The following PAPOLA variants were observed in gnomAD, a reference collection of about 807,000 sequenced individuals.
PAPOLA encodes the protein polynucleotide adenylyltransferase alpha.
PAPOLA carries 15 observed loss-of-function variants against 100.6 expected under a neutral mutation model. That is an observed-to-expected ratio of 0.15 (90% CI 0.10 to 0.23). The LOEUF is 0.23. PAPOLA is among the 10% of genes least tolerant of loss of function. The pLI is 1.00. For synonymous variants in PAPOLA, 293 were observed against 300.0 expected, an observed-to-expected ratio of 0.98 and a Z score of 0.24; for missense variants, 533 against 884.2, an observed-to-expected ratio of 0.60 and a Z score of 5.04.
intron 19 of PAPOLA, among the ~76,000 whole-genome samples, chr14:96,556,785 A>C (rs1485122841): frequency 6.6e-6 from 1 of 152,096 alleles, no homozygotes; most frequent in African/African-American, 2.4e-5. Flanking sequence ...TGCTTCTGTG[A>C]TCCAAAAGGA....
Position 96,566,103 on chromosome 14 carries a change from T to G in PAPOLA, c.*1053T>G, listed in dbSNP as rs1460232097. 5.1e-6 allele frequency: 2 copies of G among 394,088 alleles called. No homozygotes were observed. Among genetic ancestry groups the G allele is most frequent in the African/African-American group, 4.1e-5 (2 of 48,454 alleles). 24.4% of individuals were successfully genotyped at this position (394,088 alleles called of 1,614,324 possible). On this transcript the variant is annotated 3_prime_UTR_variant, in exon 22 of 22. Transcript: ENST00000216277. ...GATCTCTAAAAGGAATTTTGTACAC[T>G]CCACAGAACTCCTATCTATAGTAAA...
intron 9 of PAPOLA, chr14:96,533,451 G>T (rs887746093): frequency 2.0e-6 from 2 of 983,136 alleles, no homozygotes; most frequent in Non-Finnish European, 2.4e-6. Flanking sequence ...AAAAAATTTA[G>T]AACCATGCCA....
chr14:96,527,870 C>T lies in PAPOLA; in HGVS notation c.442-83C>T, dbSNP rs191789900. On this transcript the variant is annotated intron_variant, in intron 5 of 21. Transcript: ENST00000216277. ...GTCTTAAAGCTAGCTATTTTTGTGT[C>T]AGGTGTTTTGCTAAAGTACTAAAAC... The T allele has an allele frequency of 6.8e-5, 61 of 891,532 alleles. No individual in the cohort carries two copies. The Admixed American group carries it at 1.0e-3, about 15-fold the overall frequency. 55.2% of individuals were successfully genotyped at this position (891,532 alleles called of 1,614,324 possible).
intron 1 of PAPOLA, among the ~76,000 whole-genome samples, chr14:96,507,713 T>C (rs1896829761): frequency 6.6e-6 from 1 of 152,194 alleles, no homozygotes; most frequent in Non-Finnish European, 1.5e-5. Context: ...AAAGAGCTCT[T>C]TGGAGTGCTC....
chr14:96,548,767 T>G (rs1900594515), intron 16 of PAPOLA, among the ~76,000 whole-genome samples: 1 of 152,220 alleles, frequency 6.6e-6, no homozygotes, highest in East Asian at 1.9e-4. Context: ...TGACAACTAC[T>G]GCATTCAGGA....
chr14:96,532,304 G>T (rs185780744), intron 7 of PAPOLA, 27 bp from the exon 8 acceptor site: 65,764 of 1,534,976 alleles, frequency 0.043, 944 homozygotes, highest in Non-Finnish European at 0.046. Flanking sequence ...GTGTGTGTGT[G>T]TGTTTTTTTT....
chr14:96,559,917 A>C (rs1901701676), intron 19 of PAPOLA, among the ~76,000 whole-genome samples: 1 of 152,118 alleles, frequency 6.6e-6, no homozygotes, highest in Admixed American at 6.6e-5. Context: ...TTTACATATC[A>C]GTCAGTATTC....
intron 16 of PAPOLA, among the ~76,000 whole-genome samples, chr14:96,550,090 G>A (rs573985667): frequency 6.6e-6 from 1 of 152,284 alleles, no homozygotes; most frequent in African/African-American, 2.4e-5. Context: ...CAAGGCTGCA[G>A]TGAACTTATG....
chr14:96,522,045 A>G (rs1396765860), intron 3 of PAPOLA, among the ~76,000 whole-genome samples: 2 of 138,334 alleles, frequency 1.4e-5, no homozygotes, highest in East Asian at 4.4e-4. Flanking sequence ...CAAGTGATCC[A>G]CCTTCCTTGG....
At chr14:96,519,237 A>G (rs548508795) in intron 1 of PAPOLA, among the ~76,000 whole-genome samples, 7 of 151,956 alleles carry the variant, frequency 4.6e-5, no homozygotes, top group Non-Finnish European at 8.8e-5. Context: ...ATAAACACTT[A>G]ATTTCTTAAG....
chr14:96,520,078 A>T lies in PAPOLA; in HGVS notation c.32A>T (p.Gln11Leu). 1 of 1,613,334 alleles carries T rather than the reference A, an allele frequency of 6.2e-7. No individual in the cohort carries two copies. Among genetic ancestry groups the T allele is most frequent in the African/African-American group, 1.3e-5 (1 of 75,036 alleles). Residue 11 changes from glutamine to leucine, a missense_variant, in exon 2 of 22, where the codon CAA (glutamine) becomes CTA (leucine). Gln to Leu is a moderately radical substitution (Grantham distance 113, BLOSUM62 -2). Around this residue, in one of 9 missense-constraint regions of PAPOLA, gnomAD observed 48 missense variants for 52.3 expected, o/e 0.92. Coordinates refer to ENST00000216277, the MANE Select transcript of PAPOLA (RefSeq NM_032632.5). ...AGTCCAGTTACAACACAGGGATCAC[A>T]ACAAACACAACCGCCACAGAAGCAC... MPFPVTTQGS[Q>L]QTQPPQKHYG...
At chr14:96,551,379 T>C (rs926699296) in intron 16 of PAPOLA, among the ~76,000 whole-genome samples, 1 of 152,210 alleles carries the variant, frequency 6.6e-6, no homozygotes, top group Non-Finnish European at 1.5e-5. Context: ...ATTTATAATA[T>C]TAGGTACTTC....
At chr14:96,532,287 TG>T (rs766418733) in intron 7 of PAPOLA, 43 bp from the exon 8 acceptor site, 19 of 1,163,936 alleles carry the variant, frequency 1.6e-5, no homozygotes, top group Non-Finnish European at 2.1e-5. Flanking sequence ...TTTTGTTTTG[TG>T]TGTGTGTGTG....
At chr14:96,535,654 GT>G in intron 10 of PAPOLA, 1 of 975,500 alleles carries the variant, frequency 1.0e-6, no homozygotes. Flanking sequence ...TTCTAGTAAG[GT>G]TGCCAAAATC....
At chr14:96,525,268 C>T (rs1404633627) in intron 3 of PAPOLA, 42 bp from the exon 4 acceptor site, 1 of 883,852 alleles carries the variant, frequency 1.1e-6, no homozygotes, top group Non-Finnish European at 1.9e-6. Flanking sequence ...AATAGTTTCC[C>T]TTGTGCTCCA....
Position 96,543,172 on chromosome 14 carries a change from G to C in PAPOLA, c.1289+279G>C, listed in dbSNP as rs1212823215. Among the ~76,000 whole-genome samples the C allele has an allele frequency of 2.0e-5, 3 of 152,010 alleles. No homozygotes were observed. In the East Asian group the frequency reaches 5.8e-4, roughly 29 times the overall value. On this transcript the variant is annotated intron_variant, in intron 14 of 21. Coordinates refer to ENST00000216277, the MANE Select transcript of PAPOLA (RefSeq NM_032632.5). ...CATTCTACAGTTCTGCTTTAATACTGTCTTTACCATTCCTTCTTAATATTT... is the reference window on the plus strand; with the variant it reads ...CATTCTACAGTTCTGCTTTAATACTCTCTTTACCATTCCTTCTTAATATTT...
intron 1 of PAPOLA, among the ~76,000 whole-genome samples, chr14:96,510,707 C>T (rs756793834): frequency 6.6e-6 from 1 of 152,214 alleles, no homozygotes; most frequent in Non-Finnish European, 1.5e-5. Context: ...TAAATATTGG[C>T]TGGATGGCCC....
chr14:96,560,717 C>T lies in PAPOLA; in HGVS notation c.2067+6C>T, dbSNP rs965255118. Reference sequence around the variant, plus strand: ...ATGATAAAACAGAAGCAAAGGTATACTAATTTAGCCTTTAGAATACATACA... The same window carrying T: ...ATGATAAAACAGAAGCAAAGGTATATTAATTTAGCCTTTAGAATACATACA... On this transcript the variant is annotated splice_donor_region_variant and intron_variant, in intron 20 of 21. Coordinates refer to ENST00000216277, the MANE Select transcript of PAPOLA (RefSeq NM_032632.5). The T allele has an allele frequency of 3.9e-6, 6 of 1,533,266 alleles. No individual in the cohort carries two copies. In the South Asian group the frequency reaches 6.8e-5, roughly 17 times the overall value. 95.0% of individuals were successfully genotyped at this position (1,533,266 alleles called of 1,614,324 possible).
At chr14:96,504,909 A>G (rs1286378604) in intron 1 of PAPOLA, among the ~76,000 whole-genome samples, 1 of 152,074 alleles carries the variant, frequency 6.6e-6, no homozygotes, top group Non-Finnish European at 1.5e-5. Flanking sequence ...TCCTAATGTT[A>G]AATTTGGATG....
Sources: gnomAD v4.1 joint callset for allele counts (sites outside exome capture counted in the v4.1 genomes callset) on GRCh38, gnomAD v4.1.1 for gene constraint, gnomAD v4.1.1 regional missense constraint, MANE v1.5 for transcripts, NCBI Gene and HGNC (gene_info 2026-07-23, HGNC 2026-07-21) for gene names.